The following KRTCAP2 variants were observed in gnomAD, a reference collection of about 807,000 sequenced individuals.
KRTCAP2 encodes the protein keratinocyte associated protein 2, also known as dolichyl-diphosphooligosaccharide--protein glycosyltransferase subunit KCP2.
In KRTCAP2, 10 loss-of-function variants were observed where a neutral mutation model predicts 16.5. The ratio of observed to expected loss-of-function variants is 0.60; its 90% CI spans 0.37 to 1.02. KRTCAP2 has a LOEUF of 1.02. Among genes scored for constraint, KRTCAP2 ranks in the 50% least tolerant of loss-of-function variants. The probability of loss-of-function intolerance (pLI) is 0.01; values close to 1 mark genes in which losing one functional copy is unlikely to be tolerated. For synonymous variants in KRTCAP2, 68 were observed against 69.8 expected (o/e 0.97, Z 0.13); for missense variants, 152 against 159.6 (o/e 0.95, Z 0.26).
intron 3 of KRTCAP2, chr1:155,171,536 G>A (rs1024316309): frequency 4.2e-5 from 41 of 984,794 alleles, no homozygotes; most frequent in Non-Finnish European, 4.7e-5. Flanking sequence ...AGGGCTATGC[G>A]GAGAAAGCAA....
At chr1:155,172,697 A>C (rs1557804570) in intron 2 of KRTCAP2, 41 bp downstream of exon 2, 1 of 1,614,154 alleles carries the variant, frequency 6.2e-7, no homozygotes, top group Non-Finnish European at 8.5e-7. Flanking sequence ...GGAAGGGCAC[A>C]TGCCTACGTG....
chr1:155,170,064 G>T, intron 3 of KRTCAP2: 1 of 483,136 alleles, frequency 2.1e-6, no homozygotes, highest in Non-Finnish European at 3.8e-6. Flanking sequence ...CTTGCACCTG[G>T]AATCCCAGCA....
At chr1:155,172,053 G>A (rs1665269331) in intron 3 of KRTCAP2, 2 of 991,000 alleles carry the variant, frequency 2.0e-6, no homozygotes, top group Admixed American at 5.7e-5. Flanking sequence ...TTGATTACAT[G>A]AGCAATTGAA....
chr1:155,169,753 G>A (rs4276914), intron 4 of KRTCAP2, 38 bp downstream of exon 4: 786,656 of 1,542,062 alleles, frequency 0.51, 205,796 homozygotes, highest in East Asian at 0.82. Context: ...GCCAAAAAAC[G>A]GAATGCTACA....
At chr1:155,171,509 A>T in intron 3 of KRTCAP2, 1 of 985,226 alleles carries the variant, frequency 1.0e-6, no homozygotes, top group South Asian at 4.7e-5. Context: ...GATGGAAAGA[A>T]CTCTGAAGCC....
intron 3 of KRTCAP2, 116 bp from the exon 4 acceptor site, chr1:155,169,973 G>A: frequency 1.5e-6 from 1 of 674,342 alleles, no homozygotes; most frequent in Non-Finnish European, 2.7e-6. Context: ...CTGCTTAGAA[G>A]GGTAAGCGTG....
chr1:155,172,160 C>T, intron 3 of KRTCAP2: 1 of 1,046,058 alleles, frequency 9.6e-7, no homozygotes, highest in Non-Finnish European at 1.2e-6. Flanking sequence ...TATTTAGGCT[C>T]TTCACAATTC....
At chr1:155,171,488 C>T (rs905532661) in intron 3 of KRTCAP2, 15 of 984,756 alleles carry the variant, frequency 1.5e-5, no homozygotes, top group Middle Eastern at 5.2e-4. Flanking sequence ...AGAGAAGTCC[C>T]GGGGCTACTG....
At chr1:155,169,739 C>T in intron 4 of KRTCAP2, 52 bp downstream of exon 4, 1 of 1,480,494 alleles carries the variant, frequency 6.8e-7, no homozygotes, top group South Asian at 1.2e-5. Context: ...CAGTAAGATC[C>T]AATGCCAAAA....
At chr1:155,173,072 G>T in intron 1 of KRTCAP2, 149 bp downstream of exon 1, 1 of 942,770 alleles carries the variant, frequency 1.1e-6, no homozygotes, top group Non-Finnish European at 1.6e-6. Flanking sequence ...CCCAGCCCCG[G>T]ACACCCCGAA....
Position 155,173,217 on chromosome 1 carries a change from T to C in KRTCAP2, c.4+4A>G, listed in dbSNP as rs773575039. Reference sequence around the variant, plus strand: ...CTTCCTGGGGACCCCACCGGTCCTGTTACCCATCATGCCCCGCCCGTGAGT... The same window carrying C: ...CTTCCTGGGGACCCCACCGGTCCTGCTACCCATCATGCCCCGCCCGTGAGT... On this transcript the variant is annotated splice_donor_region_variant and intron_variant, in intron 1 of 4. Transcript: ENST00000295682. 1.1e-5 allele frequency: 17 copies of C among 1,613,298 alleles called. No homozygotes were observed. Among genetic ancestry groups the C allele is most frequent in the Middle Eastern group, 1.8e-4 (1 of 5,584 alleles).
chr1:155,169,672 CG>C lies in KRTCAP2; in HGVS notation c.291-113del, dbSNP rs1183928186. The C allele has an allele frequency of 7.8e-6, 11 of 1,414,866 alleles. No homozygotes were observed. In the Admixed American group the frequency reaches 1.9e-4, roughly 25 times the overall value. The allele number at this position is 1,414,866 out of a possible 1,614,324, so 87.6% of individuals were successfully genotyped here. Reference sequence around the variant, plus strand: ...GAATCCAAGTTCAAGTTTAGGAAAACGGGGAGGGAGAACAGAGAGAGAGGTA... The same window carrying C: ...GAATCCAAGTTCAAGTTTAGGAAAACGGGAGGGAGAACAGAGAGAGAGGTA... On this transcript the variant is annotated intron_variant, in intron 4 of 4. Transcript: ENST00000295682.
intron 3 of KRTCAP2, chr1:155,172,060 T>C: frequency 6.1e-6 from 6 of 991,482 alleles, no homozygotes; most frequent in Non-Finnish European, 6.0e-6. Context: ...CATGAGCAAT[T>C]GAACAAGAAT....
chr1:155,173,232 C>A lies in KRTCAP2; in HGVS notation c.-8G>T. Reference sequence around the variant, plus strand: ...ACCGGTCCTGTTACCCATCATGCCCCGCCCGTGAGTCCAACCGGCGCCTCT... The same window carrying A: ...ACCGGTCCTGTTACCCATCATGCCCAGCCCGTGAGTCCAACCGGCGCCTCT... On this transcript the variant is annotated 5_prime_UTR_variant, in exon 1 of 5. Coordinates refer to ENST00000295682, the MANE Select transcript of KRTCAP2 (RefSeq NM_173852.4). The A allele has an allele frequency of 1.2e-6, 2 of 1,613,878 alleles. No homozygotes were observed. Among genetic ancestry groups the A allele is most frequent in the Non-Finnish European group, 1.7e-6 (2 of 1,180,002 alleles).
At chr1:155,172,000 C>T in intron 3 of KRTCAP2, 1 of 988,472 alleles carries the variant, frequency 1.0e-6, no homozygotes, top group Non-Finnish European at 1.2e-6. Flanking sequence ...ACTTAATTTG[C>T]TTTATAAACT....
In KRTCAP2 at chr1:155,172,633, T is replaced by C. The variant is rs745435486; in HGVS notation, c.160-5A>G. 9 of 1,614,024 alleles carry C rather than the reference T, an allele frequency of 5.6e-6. No homozygotes were observed. The highest frequency in any genetic ancestry group is 2.7e-5 in the African/African-American group (2 of 74,900). On this transcript the variant is annotated splice_region_variant and splice_polypyrimidine_tract_variant and intron_variant, in intron 2 of 4. Coordinates refer to ENST00000295682, the MANE Select transcript of KRTCAP2 (RefSeq NM_173852.4). ...ATTCTCCAGATTATTGAAGGCCTGG[T>C]TGAGGGAGTTAAGGAGTAGGGTGTG...
chr1:155,170,806 T>C (rs1247075592), intron 3 of KRTCAP2: 5 of 151,756 alleles, frequency 3.3e-5, no homozygotes, highest in Admixed American at 2.0e-4. Flanking sequence ...TTTTCTTTTT[T>C]TATTATTTTT....
At chr1:155,172,311 G>T in intron 3 of KRTCAP2, 1 of 1,345,166 alleles carries the variant, frequency 7.4e-7, no homozygotes. Flanking sequence ...AAATTTGCCT[G>T]TTCCCCTCAA....
intron 3 of KRTCAP2, chr1:155,170,811 A>T (rs1036808432): frequency 1.3e-5 from 2 of 151,218 alleles, no homozygotes; most frequent in Non-Finnish European, 3.0e-5. Context: ...TTTTTTTATT[A>T]TTTTTTTTTA....
Sources: gnomAD v4.1 joint callset for allele counts on GRCh38, gnomAD v4.1.1 for gene constraint, MANE v1.5 for transcripts, NCBI Gene and HGNC (gene_info 2026-07-23, HGNC 2026-07-21) for gene names.